MYLK2: variants seen among roughly 807,000 people sequenced by gnomAD.
MYLK2 encodes the protein myosin light chain kinase 2, skeletal/cardiac muscle.
A neutral mutation model predicts 58.2 loss-of-function variants in MYLK2; 27 were observed. That is an observed-to-expected ratio of 0.46 (90% CI 0.34 to 0.64). The LOEUF is 0.64. MYLK2 is among the 30% of genes least tolerant of loss of function. The pLI is 0.01. For synonymous variants in MYLK2, 310 were observed against 296.7 expected (o/e 1.04, Z -0.46); for missense variants, 676 against 764.3 (o/e 0.88, Z 1.36).
chr20:31,824,432 A>G, intron 6 of MYLK2, 80 bp downstream of exon 6: 2 of 1,554,246 alleles, frequency 1.3e-6, no homozygotes, highest in African/African-American at 1.4e-5. Flanking sequence ...TCCCTCCACC[A>G]GCGCTGCTGA....
intron 6 of MYLK2, 105 bp from the exon 7 acceptor site, chr20:31,826,500 T>A: frequency 6.7e-7 from 1 of 1,492,672 alleles, no homozygotes; most frequent in African/African-American, 1.4e-5. Flanking sequence ...GGCTGAGCAG[T>A]GATCTGGGCA....
chr20:31,819,675 G>A, intron 2 of MYLK2, 43 bp downstream of exon 2: 1 of 1,550,214 alleles, frequency 6.5e-7, no homozygotes, highest in South Asian at 1.2e-5. Context: ...GCTTGGGAAG[G>A]GGGGTTTTGA....
In MYLK2 at chr20:31,828,419, A is replaced by G. The variant is rs1464348869; in HGVS notation, c.1224+1481A>G. ...TGGTACTTTCATTCATTCATTCCAT[A>G]AGCATATGCTGGGTACTTTCCTTAA... On this transcript the variant is annotated intron_variant, in intron 8 of 12. Transcript: ENST00000375985. The G allele has an allele frequency of 4.1e-6, 4 of 985,208 alleles. No individual in the cohort carries two copies. In the African/African-American group the frequency reaches 7.0e-5, roughly 17 times the overall value. The allele number at this position is 985,208 out of a possible 1,614,324, so 61.0% of individuals were successfully genotyped here.
In MYLK2 at chr20:31,819,580, C is replaced by T; in HGVS notation, c.-1C>T. ...AGCAGCAGCACACGCCTCCCTACCT[C>T]ATGGCGACAGAAAATGGAGCAGTTG... On this transcript the variant is annotated 5_prime_UTR_variant, in exon 2 of 13. Transcript: ENST00000375985. The T allele has an allele frequency of 6.4e-7, 1 of 1,551,586 alleles. No individual in the cohort carries two copies. The highest frequency in any genetic ancestry group is 8.7e-7 in the Non-Finnish European group (1 of 1,147,010).
At position 31,834,132 on chromosome 20, in the gene MYLK2, C is replaced by G; in HGVS notation, c.*335C>G. ...CTTTGAACTGCCGCCGCCGTGGTGA[C>G]CCCTGCTTTGCCCCACTGGGAGAGT... is the stretch of plus-strand genomic sequence containing the variant. On this transcript the variant is annotated 3_prime_UTR_variant, in exon 13 of 13. Coordinates refer to ENST00000375985, the MANE Select transcript of MYLK2 (RefSeq NM_033118.4). The G allele has an allele frequency of 2.7e-6, 1 of 371,282 alleles. No homozygotes were observed. Among genetic ancestry groups the G allele is most frequent in the South Asian group, 2.6e-5 (1 of 38,010 alleles). 23.0% of individuals were successfully genotyped at this position (371,282 alleles called of 1,614,324 possible). A position where few individuals can be genotyped will look rare whatever the true frequency, so the allele number is the denominator to read the frequency against.
chr20:31,826,747 G>A, intron 7 of MYLK2, 33 bp downstream of exon 7: 2 of 1,614,058 alleles, frequency 1.2e-6, no homozygotes, highest in East Asian at 2.2e-5. Context: ...GGGGCTGGGT[G>A]GGGGTACCAC....
chr20:31,821,358 C>T, intron 3 of MYLK2, 81 bp from the exon 4 acceptor site: 1 of 1,564,404 alleles, frequency 6.4e-7, no homozygotes, highest in South Asian at 1.1e-5. Flanking sequence ...GTTGGATTAG[C>T]TCTGCAGATT....
chr20:31,824,530 G>T, intron 6 of MYLK2, 178 bp downstream of exon 6: 2 of 985,438 alleles, frequency 2.0e-6, no homozygotes, highest in Non-Finnish European at 2.4e-6. Flanking sequence ...GGGGCCTGAG[G>T]ACCCTACCCA....
intron 6 of MYLK2, among the ~76,000 whole-genome samples, chr20:31,825,842 A>G (rs1600410281): frequency 6.6e-6 from 1 of 152,192 alleles, no homozygotes; most frequent in Non-Finnish European, 1.5e-5. Context: ...AAGTATTCCT[A>G]TTATAGCCGA....
chr20:31,820,583 T>C (rs759636457), intron 3 of MYLK2, 37 bp downstream of exon 3: 1 of 1,596,848 alleles, frequency 6.3e-7, no homozygotes, highest in Non-Finnish European at 8.5e-7. Context: ...AGGGGTCCTG[T>C]GGTTCTGTCC....
In MYLK2 at chr20:31,825,053, A is replaced by C. The variant is rs111754654; in HGVS notation, c.972+701A>C. On this transcript the variant is annotated intron_variant, in intron 6 of 12. Transcript: ENST00000375985. ...GGCAGAGTTTCAGGCAGAGGGGACTATGGGAGGAAAGGCTCGAGGGCCAGA... is the reference window on the plus strand; with the variant it reads ...GGCAGAGTTTCAGGCAGAGGGGACTCTGGGAGGAAAGGCTCGAGGGCCAGA... 1.7e-3 allele frequency among the ~76,000 whole-genome samples: 253 copies of C among 152,202 alleles called. 3 individuals are homozygous for C. The highest frequency in any genetic ancestry group is 5.9e-3 in the African/African-American group (246 of 41,530).
Position 31,820,271 on chromosome 20 carries a change from G to C in MYLK2, c.198G>C (p.Leu66=), listed in dbSNP as rs2062245299. ...APASEKGDGT[L]AQPSTSSQGP... ...CCTCAGAGAAAGGGGATGGTACCCT[G>C]GCCCAACCCTCAACTAGCAGCCAAG... Residue 66 remains leucine, a synonymous_variant, in exon 3 of 13, where the codon CTG becomes CTC. Coordinates refer to ENST00000375985, the MANE Select transcript of MYLK2 (RefSeq NM_033118.4). 6.2e-7 allele frequency: 1 copy of C among 1,613,894 alleles called. No homozygotes were observed. Among genetic ancestry groups the C allele is most frequent in the East Asian group, 2.2e-5 (1 of 44,868 alleles).
At chr20:31,823,609 C>G in intron 5 of MYLK2, 27 bp downstream of exon 5, 1 of 1,604,396 alleles carries the variant, frequency 6.2e-7, no homozygotes, top group Non-Finnish European at 8.5e-7. Flanking sequence ...CAGCTGGGCA[C>G]TCATGGACAG....
At chr20:31,826,461 G>A (rs1283253219) in intron 6 of MYLK2, 144 bp from the exon 7 acceptor site, 1 of 1,090,232 alleles carries the variant, frequency 9.2e-7, no homozygotes, top group Non-Finnish European at 1.3e-6. Flanking sequence ...CAGATGTGGG[G>A]GTGGGGGAGA....
At chr20:31,833,183 AG>A (rs1393430669) in intron 12 of MYLK2, among the ~76,000 whole-genome samples, 3 of 152,174 alleles carry the variant, frequency 2.0e-5, no homozygotes, top group Admixed American at 6.5e-5. Context: ...ACTTCTAAAT[AG>A]GGGGGGTCAG....
Position 31,831,763 on chromosome 20 carries a change from A to C in MYLK2, c.1485A>C (p.Leu495=), listed in dbSNP as rs965731314. ...DDDTETLNNV[L]SGNWYFDEET... is the part of the protein sequence containing the mutation. The stretch of plus-strand genomic sequence containing the variant: ...ACACAGAGACCCTAAACAACGTTCT[A>C]TCTGGCAACTGGTACTTTGATGAAG... Residue 495 remains leucine, a synonymous_variant, in exon 11 of 13, where the codon CTA becomes CTC. Coordinates refer to ENST00000375985, the MANE Select transcript of MYLK2 (RefSeq NM_033118.4). The C allele has an allele frequency of 6.2e-7, 1 of 1,614,052 alleles. No individual in the cohort carries two copies. The highest frequency in any genetic ancestry group is 8.5e-7 in the Non-Finnish European group (1 of 1,180,002).
chr20:31,829,987 G>A (rs2123138539), intron 8 of MYLK2, among the ~76,000 whole-genome samples: 1 of 152,312 alleles, frequency 6.6e-6, no homozygotes, highest in East Asian at 1.9e-4. Flanking sequence ...GCCTGGAAGA[G>A]CCAACCCTGT....
Position 31,832,032 on chromosome 20 carries a change from G to A in MYLK2, c.1606G>A (p.Ala536Thr), listed in dbSNP as rs749619576. Reference sequence around the variant, plus strand: ...CCGGATGAACGCTGCCCAGTGTCTCGCCCATCCCTGGCTCAACAACCTGGC... The same window carrying A: ...CCGGATGAACGCTGCCCAGTGTCTCACCCATCCCTGGCTCAACAACCTGGC... ...RARMNAAQCL[A>T]HPWLNNLAEK... Residue 536 changes from alanine to threonine, a missense_variant, in exon 12 of 13, where the codon GCC (alanine) becomes ACC (threonine). Transcript: ENST00000375985. The A allele has an allele frequency of 6.8e-6, 11 of 1,607,088 alleles. No homozygotes were observed. The Admixed American group carries it at 1.0e-4, about 15-fold the overall frequency.
In MYLK2 at chr20:31,823,506, C is replaced by T. The variant is rs397517475; in HGVS notation, c.802C>T (p.Pro268Ser). The change falls in exon 5 of 13, where the codon CCT (proline) becomes TCT (serine). Residue 268 changes from proline to serine, a missense_variant. Around this residue, in one of 2 missense-constraint regions of MYLK2, gnomAD observed 370 missense variants for 467.8 expected, o/e 0.79. Transcript: ENST00000375985. ...DDCPPPPAPF[P>S]HRMVELRTGN... is the part of the protein sequence containing the mutation. ...TTGCCCGCCACCTCCGGCCCCCTTC[C>T]CTCACCGCATGGTGGAGCTGAGGAC... 1 of 1,613,674 alleles carries T rather than the reference C, an allele frequency of 6.2e-7. No individual in the cohort carries two copies. The highest frequency in any genetic ancestry group is 8.5e-7 in the Non-Finnish European group (1 of 1,180,030).
Sources: gnomAD v4.1 joint callset for allele counts (sites outside exome capture counted in the v4.1 genomes callset) on GRCh38, gnomAD v4.1.1 for gene constraint, gnomAD v4.1.1 regional missense constraint, MANE v1.5 for transcripts, NCBI Gene and HGNC (gene_info 2026-07-23, HGNC 2026-07-21) for gene names.